The following TENM1 variants were observed in gnomAD, a reference collection of about 807,000 sequenced individuals.
TENM1 encodes the protein teneurin transmembrane protein 1, also known as teneurin-1.
Under a neutral mutation model 174.8 loss-of-function variants are expected in TENM1, and 35 were observed. The ratio of observed to expected loss-of-function variants is 0.20; its 90% CI spans 0.15 to 0.27. TENM1 has a LOEUF of 0.27. Among genes scored for constraint, TENM1 ranks in the 10% least tolerant of loss-of-function variants. TENM1 has a pLI of 1.00. For missense variants in TENM1, 1,633 were observed against 2,130.1 expected, an observed-to-expected ratio of 0.77 and a Z score of 4.59; for synonymous variants, 781 against 798.7, an observed-to-expected ratio of 0.98 and a Z score of 0.37.
chrX:124,398,752 C>T (rs754767106), intron 27 of TENM1, among the ~76,000 whole-genome samples: 13 of 111,346 alleles, frequency 1.2e-4, no homozygotes, highest in Non-Finnish European at 2.1e-4. Context: ...TTTTGACAGT[C>T]ATTGAATCAG....
the TENM1 span, among the ~76,000 whole-genome samples, chrX:125,141,877 C>T: frequency 9.0e-6 from 1 of 110,905 alleles, no homozygotes; most frequent in South Asian, 3.8e-4. Context: ...GCATTTGAGC[C>T]AGCCAGATTA....
chrX:124,382,640 C>A (rs1483595587), intron 31 of TENM1, 30 bp downstream of exon 34: 1 of 1,192,832 alleles, frequency 8.4e-7, no homozygotes, highest in Non-Finnish European at 1.1e-6. Context: ...GTTGTTTCAG[C>A]TAAAAGGAGG....
In TENM1 at chrX:124,811,921, T is replaced by A. The variant is rs762684456; in HGVS notation, c.536-74724A>T. Reference sequence around the variant, plus strand: ...CGAAATGTGTGGAATCTAAAAAAGTTGATCTCATAGAAGTAGAGAGTATAA... The same window carrying A: ...CGAAATGTGTGGAATCTAAAAAAGTAGATCTCATAGAAGTAGAGAGTATAA... On this transcript the variant is annotated intron_variant, in intron 3 of 31. Transcript: ENST00000422452. Among the ~76,000 whole-genome samples the A allele has an allele frequency of 3.6e-5, 4 of 111,443 alleles. No individual in the cohort carries two copies. In the East Asian group the frequency reaches 1.1e-3, roughly 31 times the overall value.
intron 22 of TENM1, among the ~76,000 whole-genome samples, chrX:124,460,570 G>T (rs1424497890): frequency 1.8e-5 from 2 of 110,136 alleles, no homozygotes; most frequent in African/African-American, 6.6e-5. Context: ...ACACACTGGG[G>T]CCTATCGGAT....
chrX:124,604,933 T>C (rs964252451), intron 11 of TENM1, among the ~76,000 whole-genome samples: 1 of 108,318 alleles, frequency 9.2e-6, no homozygotes, highest in African/African-American at 3.4e-5. Flanking sequence ...CTGGCATATA[T>C]TATTTTTTTT....
the TENM1 span, among the ~76,000 whole-genome samples, chrX:125,109,762 A>T: frequency 8.9e-6 from 1 of 111,794 alleles, no homozygotes; most frequent in Non-Finnish European, 1.9e-5. Context: ...ACAAGCCCTG[A>T]GTTCTGTTAG....
rs1335624194 is a variant in TENM1 at position 124,586,722 on chromosome X, C to A, written c.2078-21162G>T. On this transcript the variant is annotated intron_variant, in intron 11 of 31. Coordinates refer to ENST00000422452, the Ensembl canonical transcript of TENM1. ...GCAGGAGAAGGAAATAAAGGGTATT[C>A]AATTAGGAAAAGAGGAAGTCAAATT... is the stretch of plus-strand genomic sequence containing the variant. 2.0e-3 allele frequency among the ~76,000 whole-genome samples: 207 copies of A among 105,161 alleles called. 1 individual carries two copies. The highest frequency in any genetic ancestry group is 4.1e-3 in the African/African-American group (116 of 28,232). 91.3% of individuals were successfully genotyped at this position (105,161 alleles called of 115,157 possible). A position where few individuals can be genotyped will look rare whatever the true frequency, so the allele number is the denominator to read the frequency against.
At chrX:124,695,592 T>C (rs1264084425) in intron 5 of TENM1, among the ~76,000 whole-genome samples, 1 of 111,531 alleles carries the variant, frequency 9.0e-6, no homozygotes, top group Non-Finnish European at 1.9e-5. Context: ...TTTTTATTTC[T>C]TTCCTACCTA....
At chrX:125,059,556 G>C in the TENM1 span, among the ~76,000 whole-genome samples, 1 of 110,783 alleles carries the variant, frequency 9.0e-6, no homozygotes, top group Non-Finnish European at 1.9e-5. Flanking sequence ...ACTTGTTCAT[G>C]CTACATATCT....
the TENM1 span, among the ~76,000 whole-genome samples, chrX:125,064,320 AG>A: frequency 7.4e-4 from 83 of 111,957 alleles, no homozygotes; most frequent in African/African-American, 2.6e-3. Context: ...AATAAAAAAA[AG>A]AAAGAAAAAT....
At chrX:124,484,594 G>A (rs1415365960) in intron 21 of TENM1, among the ~76,000 whole-genome samples, 2 of 111,549 alleles carry the variant, frequency 1.8e-5, no homozygotes, top group Non-Finnish European at 3.8e-5. Flanking sequence ...TGTTGCTCAA[G>A]TTCTTCCAGC....
chrX:124,666,306 C>T (rs1013421773), intron 6 of TENM1, among the ~76,000 whole-genome samples: 3 of 111,509 alleles, frequency 2.7e-5, no homozygotes, highest in African/African-American at 9.8e-5. Context: ...TGGCATCCAA[C>T]CTGCAGGAAT....
chrX:125,132,090 T>C, the TENM1 span, among the ~76,000 whole-genome samples: 1 of 112,197 alleles, frequency 8.9e-6, no homozygotes, highest in African/African-American at 3.2e-5. Context: ...TTTCATTGCA[T>C]GTGCATGGCC....
At position 124,962,766 on chromosome X, in the gene TENM1, C is replaced by T. The variant is rs564080022; in HGVS notation, c.217+771G>A. ...CTGGGAGGTGGAGGTTGCAGTAAGC[C>T]GAGATTGCGCCACTGCACTCCAGAC... On this transcript the variant is annotated intron_variant, in intron 1 of 31. Coordinates refer to ENST00000422452, the Ensembl canonical transcript of TENM1. 1.0e-4 allele frequency among the ~76,000 whole-genome samples: 11 copies of T among 110,435 alleles called. No individual in the cohort carries two copies. The South Asian group carries it at 3.9e-3, about 39-fold the overall frequency.
chrX:124,587,661 A>G (rs1337686947), intron 11 of TENM1, among the ~76,000 whole-genome samples: 3 of 110,338 alleles, frequency 2.7e-5, no homozygotes, highest in Admixed American at 9.6e-5. Flanking sequence ...ACCAAAAGCA[A>G]TAGCAACAAA....
At chrX:124,576,715 A>G (rs929420887) in intron 11 of TENM1, among the ~76,000 whole-genome samples, 1 of 112,299 alleles carries the variant, frequency 8.9e-6, no homozygotes, top group Admixed American at 9.4e-5. Context: ...TACTTTTCGT[A>G]TATAAAGTTT....
At chrX:124,733,816 T>C (rs1391622961) in intron 4 of TENM1, among the ~76,000 whole-genome samples, 3 of 112,163 alleles carry the variant, frequency 2.7e-5, no homozygotes, top group Non-Finnish European at 5.6e-5. Flanking sequence ...ATACAGAAGG[T>C]CCGTGGGTGC....
chrX:124,722,595 C>T (rs1485072639), intron 4 of TENM1, among the ~76,000 whole-genome samples: 1 of 110,814 alleles, frequency 9.0e-6, no homozygotes, highest in Non-Finnish European at 1.9e-5. Context: ...AATCCCAGCA[C>T]TTTGGAAGGC....
the TENM1 span, among the ~76,000 whole-genome samples, chrX:125,047,954 A>G: frequency 9.0e-6 from 1 of 111,450 alleles, no homozygotes; most frequent in Non-Finnish European, 1.9e-5. Flanking sequence ...GAGGAAAAGT[A>G]GTAGCTTCAG....
Sources: gnomAD v4.1 joint callset for allele counts (sites outside exome capture counted in the v4.1 genomes callset) on GRCh38, gnomAD v4.1.1 for gene constraint, MANE v1.5 for transcripts, NCBI Gene and HGNC (gene_info 2026-07-23, HGNC 2026-07-21) for gene names.